The following PDE8B variants were observed in gnomAD, a reference collection of about 807,000 sequenced individuals.
The protein encoded by PDE8B is phosphodiesterase 8B, also known as high affinity cAMP-specific and IBMX-insensitive 3',5'-cyclic phosphodiesterase 8B.
PDE8B carries 26 observed loss-of-function variants against 101.3 expected under a neutral mutation model. The observed-to-expected ratio is 0.26, with a 90% CI of 0.19 to 0.36. The LOEUF is 0.36. PDE8B is among the 10% of genes least tolerant of loss of function. PDE8B has a pLI of 1.00. For synonymous variants in PDE8B, 424 were observed against 429.3 expected (o/e 0.99, Z 0.15); for missense variants, 810 against 1,163.1 (o/e 0.70, Z 4.42).
the PDE8B span, chr5:77,106,065 A>G: frequency 6.6e-6 from 1 of 152,228 alleles, no homozygotes; most frequent in East Asian, 1.9e-4. Flanking sequence ...TATTCAACGT[A>G]CAAGTCCTTT....
chr5:77,187,323 A>G, the PDE8B span, among the ~76,000 whole-genome samples: 1 of 152,332 alleles, frequency 6.6e-6, no homozygotes, highest in South Asian at 2.1e-4. Flanking sequence ...TTGTTTTGCA[A>G]AGTAGCAGCC....
the PDE8B span, among the ~76,000 whole-genome samples, chr5:77,116,886 A>G: frequency 1.3e-5 from 2 of 152,126 alleles, no homozygotes; most frequent in Non-Finnish European, 2.9e-5. Context: ...ACCCTCTTCA[A>G]TTCCCCCATC....
At chr5:77,383,540 C>A (rs1299770315) in intron 10 of PDE8B, among the ~76,000 whole-genome samples, 2 of 152,176 alleles carry the variant, frequency 1.3e-5, no homozygotes, top group East Asian at 3.8e-4. Flanking sequence ...GTGTTTTAGT[C>A]ATGAAGTCTT....
chr5:77,412,073 C>G, intron 15 of PDE8B, 27 bp from the exon 16 acceptor site: 1 of 1,613,404 alleles, frequency 6.2e-7, no homozygotes. Context: ...AATTAACCAG[C>G]CTCCCCCATC....
intron 1 of PDE8B, among the ~76,000 whole-genome samples, chr5:77,260,946 T>C (rs1330927044): frequency 6.6e-6 from 1 of 151,992 alleles, no homozygotes; most frequent in Non-Finnish European, 1.5e-5. Flanking sequence ...ATCAGAAAAG[T>C]GATGAAAATA....
the PDE8B span, chr5:77,118,207 A>T: frequency 5.1e-6 from 2 of 389,102 alleles, no homozygotes; most frequent in East Asian, 7.3e-5. Flanking sequence ...TCAGCCTCCC[A>T]AAGTGCTGGG....
intron 1 of PDE8B, among the ~76,000 whole-genome samples, chr5:77,286,072 T>G (rs1765950743): frequency 6.6e-6 from 1 of 152,178 alleles, no homozygotes; most frequent in Non-Finnish European, 1.5e-5. Context: ...ATCTCAGGGT[T>G]GCCATTATGT....
rs201363586 is a variant in PDE8B, at chr5:77,407,401, C to T, written c.1309C>T (p.Arg437Cys). 6.0e-4 allele frequency: 964 copies of T among 1,613,954 alleles called. No homozygotes were observed. Among genetic ancestry groups the T allele is most frequent in the Non-Finnish European group, 6.9e-4 (813 of 1,179,952 alleles). ...GSDAPSLQNR[R>C]YPSMARIHSM... Reference sequence around the variant, plus strand: ...TCCAGCACCAAGCCTGCAGAATCGTCGCTATCCGTCCATGGCGAGGATCCA... The same window carrying T: ...TCCAGCACCAAGCCTGCAGAATCGTTGCTATCCGTCCATGGCGAGGATCCA... The change falls in exon 13 of 22, where the codon CGC (arginine) becomes TGC (cysteine). Residue 437 changes from arginine (R) to cysteine (C), a missense_variant. This residue lies in a region of PDE8B where 75 missense variants were observed against 76.9 expected (regional missense o/e 0.98). Transcript: ENST00000264917.
chr5:77,273,402 A>T (rs924246862), intron 1 of PDE8B, among the ~76,000 whole-genome samples: 2 of 152,252 alleles, frequency 1.3e-5, no homozygotes, highest in Admixed American at 6.5e-5. Context: ...TTTAAAATTT[A>T]CTAAACATCT....
the PDE8B span, among the ~76,000 whole-genome samples, chr5:77,191,993 T>C: frequency 1.3e-5 from 2 of 152,148 alleles, no homozygotes; most frequent in African/African-American, 2.4e-5. Context: ...CAGTTCACAG[T>C]AGGGTTCGCA....
the PDE8B span, among the ~76,000 whole-genome samples, chr5:77,190,935 C>T: frequency 6.6e-6 from 1 of 152,208 alleles, no homozygotes; most frequent in Admixed American, 6.5e-5. Context: ...CAAAATACCA[C>T]ACACTGGGTG....
chr5:77,324,277 C>A (rs1775646110), intron 2 of PDE8B, among the ~76,000 whole-genome samples: 1 of 152,116 alleles, frequency 6.6e-6, no homozygotes. Context: ...TCTCAGAAGA[C>A]CCCACAGGTA....
At chr5:77,094,728 C>T in the PDE8B span, among the ~76,000 whole-genome samples, 7 of 152,078 alleles carry the variant, frequency 4.6e-5, no homozygotes, top group Non-Finnish European at 8.8e-5. Context: ...TGGTGAGGAC[C>T]TCAGGAAGCT....
intron 17 of PDE8B, among the ~76,000 whole-genome samples, chr5:77,415,351 A>ATT (rs71606293): frequency 0.088 from 7,765 of 88,704 alleles, 364 homozygotes; most frequent in South Asian, 0.13. Flanking sequence ...ATAAGCTAAA[A>ATT]TTTTTTTTTT....
chr5:77,342,839 C>T (rs1471126601), intron 6 of PDE8B, among the ~76,000 whole-genome samples: 1 of 152,132 alleles, frequency 6.6e-6, no homozygotes, highest in African/African-American at 2.4e-5. Context: ...GCTGGGTTTG[C>T]CTTTCACCAT....
chr5:77,310,584 A>C (rs754915243), intron 1 of PDE8B, among the ~76,000 whole-genome samples: 2 of 152,222 alleles, frequency 1.3e-5, no homozygotes, highest in African/African-American at 2.4e-5. Flanking sequence ...CAGGGACTCA[A>C]AGCCTCCAGT....
the PDE8B span, among the ~76,000 whole-genome samples, chr5:77,172,499 C>T: frequency 6.6e-6 from 1 of 152,180 alleles, no homozygotes; most frequent in Non-Finnish European, 1.5e-5. Context: ...GAACAAAGAA[C>T]ATCTGATGGT....
At chr5:77,154,300 C>T in the PDE8B span, among the ~76,000 whole-genome samples, 1 of 152,212 alleles carries the variant, frequency 6.6e-6, no homozygotes, top group African/African-American at 2.4e-5. Flanking sequence ...GCTCATTTTC[C>T]TGTCTTTCCT....
chr5:77,171,840 A>G, the PDE8B span, among the ~76,000 whole-genome samples: 1 of 152,130 alleles, frequency 6.6e-6, no homozygotes, highest in Non-Finnish European at 1.5e-5. Flanking sequence ...CGTGCCTTTC[A>G]TTGGCTGAAC....
Sources: allele counts gnomAD v4.1 joint callset (sites outside exome capture counted in the v4.1 genomes callset), GRCh38; gene constraint gnomAD v4.1.1; regional missense constraint gnomAD v4.1.1; transcripts MANE v1.5; gene names NCBI Gene and HGNC (gene_info 2026-07-23, HGNC 2026-07-21).